The following MSI2 variants were observed in gnomAD, a reference collection of about 807,000 sequenced individuals.
MSI2 encodes RNA-binding protein Musashi homolog 2.
In MSI2, 17 loss-of-function variants were observed where a neutral mutation model predicts 45.6. The observed-to-expected ratio is 0.37, with a 90% confidence interval of 0.26 to 0.56. The LOEUF (loss-of-function observed/expected upper bound fraction) is 0.56, where lower values mean the gene tolerates loss of function less well. MSI2 is among the 20% of genes least tolerant of loss of function. The pLI, the probability that MSI2 is intolerant of heterozygous loss-of-function variation, is 0.77. For missense variants in MSI2, 293 were observed against 444.2 expected (o/e 0.66, Z 3.06); for synonymous variants, 156 against 158.2 (o/e 0.99, Z 0.11).
rs1199208764 is a variant in MSI2, at chr17:57,283,299, C to CA, written c.312+21108dup. Reference sequence around the variant, plus strand: ...TTTATAAGCAGAGGCCGCACAGGGTCAGTCAGTAATGTCAGCCCCTGGGGC... The same window carrying CA: ...TTTATAAGCAGAGGCCGCACAGGGTCAAGTCAGTAATGTCAGCCCCTGGGGC... On this transcript the variant is annotated intron_variant, in intron 5 of 13. Coordinates refer to ENST00000284073, the MANE Select transcript of MSI2 (RefSeq NM_138962.4). 2.6e-5 allele frequency among the ~76,000 whole-genome samples: 4 copies of CA among 152,144 alleles called. No homozygotes were observed. The East Asian group carries it at 7.7e-4, about 29-fold the overall frequency.
chr17:57,613,551 T>C (rs758446722), intron 8 of MSI2, among the ~76,000 whole-genome samples: 8 of 152,220 alleles, frequency 5.3e-5, no homozygotes, highest in Non-Finnish European at 1.0e-4. Flanking sequence ...ACTAGGTGTA[T>C]GTATAAATTT....
intron 5 of MSI2, among the ~76,000 whole-genome samples, chr17:57,281,884 G>A (rs1416805176): frequency 1.3e-5 from 2 of 152,320 alleles, no homozygotes; most frequent in Middle Eastern, 3.4e-3. Flanking sequence ...ACAAAAGGAT[G>A]TCCAGAAACT....
chr17:57,314,446 A>G (rs1043273420), intron 5 of MSI2, among the ~76,000 whole-genome samples: 5 of 152,118 alleles, frequency 3.3e-5, no homozygotes, highest in African/African-American at 4.8e-5. Context: ...AAAGTAGAGC[A>G]TCATGCATTG....
At chr17:57,530,562 T>C (rs967947957) in intron 7 of MSI2, among the ~76,000 whole-genome samples, 2 of 152,228 alleles carry the variant, frequency 1.3e-5, no homozygotes, top group African/African-American at 4.8e-5. Context: ...CTGGGGTTCC[T>C]ATTAACAGGG....
At position 57,605,445 on chromosome 17, in the gene MSI2, G is replaced by A. The variant is rs1166783808; in HGVS notation, c.537+8495G>A. ...GCAGGGCCAGGGAGGGCAGTGGTCTGTCTCCTCAGTATCTCAGCACCCAGT... is the reference window on the plus strand; with the variant it reads ...GCAGGGCCAGGGAGGGCAGTGGTCTATCTCCTCAGTATCTCAGCACCCAGT... On this transcript the variant is annotated intron_variant, in intron 8 of 13. Coordinates refer to ENST00000284073, the MANE Select transcript of MSI2 (RefSeq NM_138962.4). 3.3e-5 allele frequency among the ~76,000 whole-genome samples: 5 copies of A among 152,188 alleles called. No individual in the cohort carries two copies. The East Asian group carries it at 9.6e-4, about 29-fold the overall frequency.
chr17:57,531,173 G>T (rs1392974927), intron 7 of MSI2, among the ~76,000 whole-genome samples: 1 of 152,146 alleles, frequency 6.6e-6, no homozygotes. Context: ...TTTCCAAGCC[G>T]GACTTCCAGA....
intron 7 of MSI2, among the ~76,000 whole-genome samples, chr17:57,575,944 CAAAA>C (rs34036311): frequency 2.8e-4 from 18 of 64,438 alleles, no homozygotes; most frequent in African/African-American, 4.5e-4. Context: ...GACTCCGTCT[CAAAA>C]AAAAAAAAAA....
At chr17:57,563,730 A>G (rs932403887) in intron 7 of MSI2, among the ~76,000 whole-genome samples, 2 of 144,482 alleles carry the variant, frequency 1.4e-5, no homozygotes, top group Non-Finnish European at 3.0e-5. Flanking sequence ...TTTCCCTCTC[A>G]CACACACACA....
intron 6 of MSI2, among the ~76,000 whole-genome samples, chr17:57,459,518 A>G: frequency 6.6e-6 from 1 of 152,174 alleles, no homozygotes; most frequent in African/African-American, 2.4e-5. Context: ...TCCCAGGAAA[A>G]GGAAGACTTG....
chr17:57,438,274 C>T (rs1469836455), intron 6 of MSI2, among the ~76,000 whole-genome samples: 2 of 152,148 alleles, frequency 1.3e-5, no homozygotes, highest in African/African-American at 4.8e-5. Flanking sequence ...CTGTTGCAAA[C>T]AGTCAGGCCC....
intron 5 of MSI2, among the ~76,000 whole-genome samples, chr17:57,347,593 T>C (rs771794316): frequency 1.4e-4 from 22 of 152,190 alleles, no homozygotes; most frequent in Non-Finnish European, 2.5e-4. Flanking sequence ...ATGGTACTTA[T>C]ATTGGAGTTG....
intron 10 of MSI2, among the ~76,000 whole-genome samples, chr17:57,639,302 C>G (rs1209180363): frequency 6.6e-6 from 1 of 152,222 alleles, no homozygotes; most frequent in Non-Finnish European, 1.5e-5. Flanking sequence ...ACCTAGAGGG[C>G]CAGCAGGAGG....
intron 12 of MSI2, among the ~76,000 whole-genome samples, 157 bp downstream of exon 12, chr17:57,675,283 C>T (rs62060661): frequency 0.11 from 16,984 of 152,142 alleles, 1,158 homozygotes; most frequent in Middle Eastern, 0.17. Flanking sequence ...AAGCCTCCGT[C>T]GTCTTAGAGG....
intron 5 of MSI2, among the ~76,000 whole-genome samples, chr17:57,294,495 A>G (rs902225636): frequency 4.6e-5 from 7 of 152,190 alleles, no homozygotes; most frequent in Non-Finnish European, 8.8e-5. Flanking sequence ...CAAGTATACC[A>G]TGCAAGAATC....
chr17:57,464,885 G>A (rs1255150589), intron 6 of MSI2, among the ~76,000 whole-genome samples: 1 of 152,220 alleles, frequency 6.6e-6, no homozygotes, highest in Non-Finnish European at 1.5e-5. Flanking sequence ...ATATGACAGA[G>A]CCCCATGAGC....
At chr17:57,693,066 G>A in the MSI2 span, among the ~76,000 whole-genome samples, 1 of 151,516 alleles carries the variant, frequency 6.6e-6, no homozygotes, top group Admixed American at 6.6e-5. Flanking sequence ...CTCTTCCTGG[G>A]ATTTCAATTA....
chr17:57,358,837 A>G (rs1916626244), intron 5 of MSI2, among the ~76,000 whole-genome samples: 1 of 152,160 alleles, frequency 6.6e-6, no homozygotes. Flanking sequence ...ATTGTAGGTG[A>G]AATCGAAGAT....
intron 8 of MSI2, among the ~76,000 whole-genome samples, chr17:57,606,530 C>T (rs1344106802): frequency 1.3e-5 from 2 of 152,064 alleles, no homozygotes; most frequent in African/African-American, 4.8e-5. Flanking sequence ...GTGGGGGCTG[C>T]AGTTATTGGG....
chr17:57,525,051 A>G (rs2086668438), intron 6 of MSI2, among the ~76,000 whole-genome samples: 1 of 152,148 alleles, frequency 6.6e-6, no homozygotes, highest in Non-Finnish European at 1.5e-5. Context: ...GATGATTCTG[A>G]TGTGGATGAT....
Sources: gnomAD v4.1 joint callset for allele counts (sites outside exome capture counted in the v4.1 genomes callset) on GRCh38, gnomAD v4.1.1 for gene constraint, MANE v1.5 for transcripts, NCBI Gene and HGNC (gene_info 2026-07-23, HGNC 2026-07-21) for gene names.